ARHGEF3: variants seen among roughly 807,000 people sequenced by gnomAD.
ARHGEF3 encodes the protein Rho guanine nucleotide exchange factor 3, also known as 59.8 kDA protein.
Under a neutral mutation model 63.2 loss-of-function variants are expected in ARHGEF3, and 28 were observed. The observed-to-expected ratio is 0.44, with a 90% CI of 0.33 to 0.61. ARHGEF3 has a LOEUF of 0.61. Ranked by LOEUF, ARHGEF3 falls within the 20% of genes least tolerant of loss-of-function variation. The pLI, the probability that ARHGEF3 is intolerant of heterozygous loss-of-function variation, is 0.03. For synonymous variants in ARHGEF3, 266 were observed against 254.2 expected, an observed-to-expected ratio of 1.05 and a Z score of -0.44; for missense variants, 533 against 659.3, an observed-to-expected ratio of 0.81 and a Z score of 2.10.
chr3:56,741,646 G>A (rs1206457009), intron 7 of ARHGEF3, among the ~76,000 whole-genome samples: 1 of 151,734 alleles, frequency 6.6e-6, no homozygotes, highest in African/African-American at 2.4e-5. Flanking sequence ...TGGGACTACA[G>A]GCGCCTGCCA....
intron 1 of ARHGEF3, among the ~76,000 whole-genome samples, chr3:56,776,782 T>A (rs2036303928): frequency 6.6e-6 from 1 of 152,168 alleles, no homozygotes; most frequent in Non-Finnish European, 1.5e-5. Context: ...GGACGCTTCC[T>A]AGTCCAACAA....
chr3:56,863,472 A>G (rs2040147259), intron 4 of ARHGEF3, among the ~76,000 whole-genome samples: 1 of 151,954 alleles, frequency 6.6e-6, no homozygotes, highest in Admixed American at 6.6e-5. Context: ...GCTAATTTTC[A>G]TATTTTTACT....
intron 2 of ARHGEF3, among the ~76,000 whole-genome samples, chr3:57,005,620 G>T (rs908129712): frequency 6.6e-6 from 1 of 152,132 alleles, no homozygotes; most frequent in Admixed American, 6.5e-5. Flanking sequence ...CTATCGGGAG[G>T]GGTTCCTGCC....
At position 57,000,428 on chromosome 3, in the gene ARHGEF3, A is replaced by G. The variant is rs566023611; in HGVS notation, c.62+34660T>C. On this transcript the variant is annotated intron_variant, in intron 2 of 12. Coordinates refer to the ARHGEF3 transcript ENST00000338458. ...CTCACTGTACATCCCTCCCCAGTCA[A>G]ATTCCTCTCCATGTCCTCCCTTTTG... is the stretch of plus-strand genomic sequence containing the variant. 3.3e-5 allele frequency among the ~76,000 whole-genome samples: 5 copies of G among 151,588 alleles called. No homozygotes were observed. The South Asian group carries it at 8.3e-4, about 25-fold the overall frequency.
chr3:57,072,633 T>C (rs1339182989), intron 1 of ARHGEF3, among the ~76,000 whole-genome samples: 1 of 147,880 alleles, frequency 6.8e-6, no homozygotes, highest in Non-Finnish European at 1.5e-5. Context: ...TCCCAGCTAC[T>C]AGGGAGGCTG....
intron 1 of ARHGEF3, among the ~76,000 whole-genome samples, chr3:57,061,271 T>C (rs906122474): frequency 6.6e-6 from 1 of 152,216 alleles, no homozygotes; most frequent in Non-Finnish European, 1.5e-5. Context: ...CAGCATGTTG[T>C]AGCATGTGTC....
chr3:56,985,679 A>G (rs1057231022), intron 2 of ARHGEF3, among the ~76,000 whole-genome samples: 2 of 152,218 alleles, frequency 1.3e-5, no homozygotes, highest in Admixed American at 1.3e-4. Context: ...CCCTGGGAAC[A>G]GCATAGCTGA....
intron 2 of ARHGEF3, among the ~76,000 whole-genome samples, chr3:56,765,047 G>A (rs1166649175): frequency 2.0e-5 from 3 of 152,006 alleles, no homozygotes; most frequent in East Asian, 1.9e-4. Flanking sequence ...ATGAGCCACC[G>A]CACCCGGCCC....
intron 2 of ARHGEF3, among the ~76,000 whole-genome samples, chr3:56,772,794 C>T (rs2036076460): frequency 6.6e-6 from 1 of 152,182 alleles, no homozygotes; most frequent in African/African-American, 2.4e-5. Context: ...TTTAAATGCA[C>T]TGTCTTGTAA....
chr3:57,003,580 T>C (rs943196773), intron 2 of ARHGEF3, among the ~76,000 whole-genome samples: 1 of 152,036 alleles, frequency 6.6e-6, no homozygotes, highest in Non-Finnish European at 1.5e-5. Flanking sequence ...GTCCCCATCC[T>C]AATTCCCAAA....
chr3:56,927,300 TAAAC>T (rs2042299224), intron 3 of ARHGEF3, among the ~76,000 whole-genome samples: 1 of 152,154 alleles, frequency 6.6e-6, no homozygotes, highest in Non-Finnish European at 1.5e-5. Context: ...GACTATAAGA[TAAAC>T]AAGTAATTTT....
At chr3:56,821,239 T>C (rs989288374) in intron 4 of ARHGEF3, among the ~76,000 whole-genome samples, 8 of 152,024 alleles carry the variant, frequency 5.3e-5, no homozygotes, top group Admixed American at 2.6e-4. Context: ...TAAAGTGATA[T>C]ATGGCCAAGG....
chr3:56,862,698 A>G (rs961211051), intron 4 of ARHGEF3, among the ~76,000 whole-genome samples: 1 of 152,186 alleles, frequency 6.6e-6, no homozygotes, highest in Non-Finnish European at 1.5e-5. Context: ...TTTAAGGTCA[A>G]TGAAAATGCT....
rs765765022 is a variant in ARHGEF3 at position 56,751,254 on chromosome 3, C to G, written c.535+46G>C. On this transcript the variant is annotated intron_variant, in intron 5 of 9. Transcript: ENST00000296315. ...ATCACTCACTCATTATAAGACAACT[C>G]AGTTAAGGCTACAAGTCACGACTCA... The G allele has an allele frequency of 3.2e-6, 5 of 1,564,930 alleles. No individual in the cohort carries two copies. In the South Asian group the frequency reaches 4.5e-5, roughly 14 times the overall value.
chr3:56,882,128 G>A (rs2040786620), intron 4 of ARHGEF3, among the ~76,000 whole-genome samples: 1 of 152,176 alleles, frequency 6.6e-6, no homozygotes, highest in Non-Finnish European at 1.5e-5. Flanking sequence ...GTTTTCTCCA[G>A]TGAAATAAAA....
intron 2 of ARHGEF3, among the ~76,000 whole-genome samples, chr3:56,993,094 C>A (rs951487796): frequency 2.0e-5 from 3 of 152,178 alleles, no homozygotes; most frequent in African/African-American, 7.2e-5. Context: ...CTTGGCCTCC[C>A]AAAGTGCTGG....
chr3:57,068,404 A>G (rs1283266095), intron 1 of ARHGEF3, among the ~76,000 whole-genome samples: 3 of 152,214 alleles, frequency 2.0e-5, no homozygotes, highest in Non-Finnish European at 4.4e-5. Flanking sequence ...GCTGCCACTC[A>G]CTGCAGTGCT....
chr3:57,054,940 C>T (rs2107318951), intron 1 of ARHGEF3, among the ~76,000 whole-genome samples: 1 of 151,992 alleles, frequency 6.6e-6, no homozygotes, highest in East Asian at 2.0e-4. Flanking sequence ...TGAGCCATCG[C>T]ACCCAGCAAA....
At chr3:56,739,909 T>TC (rs907194313) in intron 7 of ARHGEF3, among the ~76,000 whole-genome samples, 4 of 151,904 alleles carry the variant, frequency 2.6e-5, no homozygotes, top group Non-Finnish European at 5.9e-5. Flanking sequence ...AGATTTTTTT[T>TC]TTTTTTTGAG....
Sources: allele counts gnomAD v4.1 joint callset (sites outside exome capture counted in the v4.1 genomes callset), GRCh38; gene constraint gnomAD v4.1.1; transcripts MANE v1.5; gene names NCBI Gene and HGNC (gene_info 2026-07-23, HGNC 2026-07-21).